CCDC66: variants seen among roughly 807,000 people sequenced by gnomAD.
CCDC66 encodes coiled-coil domain containing 66.
A neutral mutation model predicts 128.3 loss-of-function variants in CCDC66; 133 were observed. The ratio of observed to expected loss-of-function variants is 1.04; its 90% CI spans 0.90 to 1.20. CCDC66 has a LOEUF of 1.20. Ranked by LOEUF, CCDC66 falls within the 50% of genes most tolerant of loss-of-function variation. CCDC66 has a pLI of 0.00. For synonymous variants in CCDC66, 387 were observed against 357.0 expected (o/e 1.08, Z -0.95); for missense variants, 1,126 against 1,075.5 (o/e 1.05, Z -0.66).
intron 10 of CCDC66, among the ~76,000 whole-genome samples, chr3:56,600,982 A>G (rs1017687404): frequency 6.6e-6 from 1 of 151,990 alleles, no homozygotes; most frequent in Non-Finnish European, 1.5e-5. Flanking sequence ...CTTTAGTTTA[A>G]TTAGATCCCA....
intron 6 of CCDC66, among the ~76,000 whole-genome samples, chr3:56,567,533 T>G (rs538002211): frequency 7.9e-5 from 12 of 152,282 alleles, no homozygotes; most frequent in Admixed American, 4.6e-4. Context: ...TTAACATGCA[T>G]GGAAGTTTTA....
At chr3:56,600,248 A>G (rs62256014) in intron 10 of CCDC66, among the ~76,000 whole-genome samples, 5,351 of 150,100 alleles carry the variant, frequency 0.036, 117 homozygotes, top group East Asian at 0.091. Context: ...TCCCGGGTTC[A>G]AGTGATTCTC....
chr3:56,581,905 A>G (rs541256674), intron 7 of CCDC66, among the ~76,000 whole-genome samples: 94 of 151,866 alleles, frequency 6.2e-4, no homozygotes, highest in African/African-American at 2.1e-3. Context: ...TCAGATCTCA[A>G]ACTCTGTGCT....
intron 7 of CCDC66, among the ~76,000 whole-genome samples, chr3:56,582,529 C>T (rs1559661617): frequency 6.6e-6 from 1 of 151,740 alleles, no homozygotes; most frequent in Non-Finnish European, 1.5e-5. Flanking sequence ...ATCTTGGAAC[C>T]TCCTCCGGAA....
intron 7 of CCDC66, among the ~76,000 whole-genome samples, chr3:56,584,985 G>T (rs550669387): frequency 1.3e-4 from 19 of 151,842 alleles, no homozygotes; most frequent in African/African-American, 4.6e-4. Context: ...GCAGGCACTC[G>T]GCAGGCTGAG....
intron 11 of CCDC66, among the ~76,000 whole-genome samples, chr3:56,614,574 T>C (rs2075266361): frequency 6.6e-6 from 1 of 152,188 alleles, no homozygotes. Flanking sequence ...TGTATGGTGG[T>C]GGTACCATAT....
intron 4 of CCDC66, among the ~76,000 whole-genome samples, chr3:56,564,507 A>G (rs777442593): frequency 6.6e-6 from 1 of 152,210 alleles, no homozygotes; most frequent in African/African-American, 2.4e-5. Flanking sequence ...TACTATGACT[A>G]TTTGACTTGA....
At chr3:56,619,167 C>A in intron 15 of CCDC66, 104 bp from the exon 16 acceptor site, 1 of 987,818 alleles carries the variant, frequency 1.0e-6, no homozygotes, top group African/African-American at 1.7e-5. Context: ...GCACTCCAGC[C>A]TGGGCAACAG....
At chr3:56,590,756 A>T (rs182298270) in intron 7 of CCDC66, among the ~76,000 whole-genome samples, 21 of 152,238 alleles carry the variant, frequency 1.4e-4, no homozygotes, top group East Asian at 7.7e-4. Context: ...GCCTAAAAAA[A>T]AAAAATAAAA....
chr3:56,617,352 A>C lies in CCDC66; in HGVS notation c.2084A>C (p.Lys695Thr), dbSNP rs1223491987. ...TRIEKQTKHMKKYPKRPDWNI... is the reference protein window; with the variant it reads ...TRIEKQTKHMTKYPKRPDWNI... ...ATAGAGAAACAAACAAAACACATGA[A>C]GAAATATCCTAAAAGGCCTGATTGG... is the stretch of plus-strand genomic sequence containing the variant. Residue 695 changes from lysine to threonine, a missense_variant, in exon 14 of 18, where the codon AAG (lysine) becomes ACG (threonine). By Grantham distance (78) the Lys-to-Thr change is moderately conservative (BLOSUM62 -1). Coordinates refer to ENST00000394672, the MANE Select transcript of CCDC66 (RefSeq NM_001141947.3). 6.2e-7 allele frequency: 1 copy of C among 1,613,260 alleles called. No homozygotes were observed. The highest frequency in any genetic ancestry group is 1.3e-5 in the African/African-American group (1 of 74,914).
chr3:56,565,228 T>TAGTA (rs1045990804), intron 4 of CCDC66: 11 of 233,190 alleles, frequency 4.7e-5, no homozygotes, highest in Non-Finnish European at 9.3e-6. Context: ...ATCAAGATAT[T>TAGTA]TGTATTCCCC....
chr3:56,605,207 G>A (rs1178275784), intron 10 of CCDC66, among the ~76,000 whole-genome samples: 2 of 151,982 alleles, frequency 1.3e-5, no homozygotes, highest in African/African-American at 2.4e-5. Flanking sequence ...CTTGCATTGG[G>A]TTAGAACAGG....
chr3:56,578,723 C>T (rs6784100), intron 7 of CCDC66, among the ~76,000 whole-genome samples: 53,642 of 151,348 alleles, frequency 0.35, 10,574 homozygotes, highest in East Asian at 0.54. Flanking sequence ...TATTGATTTG[C>T]GTATGATGAA....
rs753875788 is a variant in CCDC66, at chr3:56,597,776, G to GTTTTT, written c.1404+3748_1404+3749insTTTTT. Among the ~76,000 whole-genome samples, 101 of 61,838 alleles carry GTTTTT rather than the reference G, an allele frequency of 1.6e-3. 11 individuals are homozygous for GTTTTT. The highest frequency in any genetic ancestry group is 2.7e-3 in the African/African-American group (38 of 13,828). The allele number at this position is 61,838 out of a possible 152,430, so 40.6% of individuals were successfully genotyped here. A position where few individuals can be genotyped will look rare whatever the true frequency, so the allele number is the denominator to read the frequency against. ...TTGTGGAGTCTAGGTTTTGTTTTGG[G>GTTTTT]GTTTTTTTTTTTTTTTGAGACAGAG... On this transcript the variant is annotated intron_variant, in intron 10 of 17. Transcript: ENST00000394672.
chr3:56,592,612 A>G (rs1324746671), intron 7 of CCDC66, among the ~76,000 whole-genome samples: 1 of 151,168 alleles, frequency 6.6e-6, no homozygotes, highest in Non-Finnish European at 1.5e-5. Flanking sequence ...TGATCTGCCC[A>G]TGTCAGCCTC....
At chr3:56,578,750 G>A (rs2067816043) in intron 7 of CCDC66, among the ~76,000 whole-genome samples, 1 of 151,834 alleles carries the variant, frequency 6.6e-6, no homozygotes, top group Admixed American at 6.6e-5. Context: ...TTGCATCCCA[G>A]ATAAGAAGCC....
rs143036821 is a variant in CCDC66, at chr3:56,617,571, C to T, written c.2303C>T (p.Thr768Met). Residue 768 changes from threonine (T) to methionine (M), a missense_variant, in exon 14 of 18, where the codon ACG becomes ATG. Transcript: ENST00000394672. ...ATTTTTCATTCATCTCATCAAGAAACGGAGTCAAAGTTGAGGTGGCATCTA... is the reference window on the plus strand; with the variant it reads ...ATTTTTCATTCATCTCATCAAGAAATGGAGTCAAAGTTGAGGTGGCATCTA... ...PEIFHSSHQE[T>M]ESKLRWHLVK... The T allele has an allele frequency of 2.2e-4, 352 of 1,607,604 alleles. No homozygotes were observed. The highest frequency in any genetic ancestry group is 2.6e-4 in the Non-Finnish European group (308 of 1,178,368).
In CCDC66 at chr3:56,613,751, G is replaced by C; in HGVS notation, c.1566+1G>C. ...CATACTTAAGCAAAAACAAAAGGAA[G>C]TAGGTACTTACATTCTAATTGTAAC... On this transcript the variant is annotated splice_donor_variant, in intron 11 of 17. Coordinates refer to ENST00000394672, the MANE Select transcript of CCDC66 (RefSeq NM_001141947.3). LOFTEE classifies it high-confidence loss of function. 1 of 1,603,432 alleles carries C rather than the reference G, an allele frequency of 6.2e-7. No individual in the cohort carries two copies. Among genetic ancestry groups the C allele is most frequent in the Non-Finnish European group, 8.5e-7 (1 of 1,175,616 alleles).
At chr3:56,605,163 A>G (rs932003291) in intron 10 of CCDC66, among the ~76,000 whole-genome samples, 2 of 151,948 alleles carry the variant, frequency 1.3e-5, no homozygotes, top group African/African-American at 4.8e-5. Context: ...CTAGTTAGCA[A>G]TTTGTCTAAC....
Sources: gnomAD v4.1 joint callset for allele counts (sites outside exome capture counted in the v4.1 genomes callset) on GRCh38, gnomAD v4.1.1 for gene constraint, MANE v1.5 for transcripts, NCBI Gene and HGNC (gene_info 2026-07-23, HGNC 2026-07-21) for gene names.